DLG2: variants seen among roughly 807,000 people sequenced by gnomAD.
DLG2 encodes the protein discs large MAGUK scaffold protein 2.
A neutral mutation model predicts 132.5 loss-of-function variants in DLG2; 45 were observed. That is an observed-to-expected ratio of 0.34 (90% CI 0.27 to 0.44). The LOEUF is 0.44. Ranked by LOEUF, DLG2 falls within the 20% of genes least tolerant of loss-of-function variation. DLG2 has a pLI of 1.00. For missense variants in DLG2, 1,045 were observed against 1,196.9 expected (o/e 0.87, Z 1.87); for synonymous variants, 424 against 419.6 (o/e 1.01, Z -0.13).
At chr11:85,275,018 A>G (rs1380663061) in intron 4 of DLG2, among the ~76,000 whole-genome samples, 1 of 152,176 alleles carries the variant, frequency 6.6e-6, no homozygotes, top group African/African-American at 2.4e-5. Flanking sequence ...TCGGGAAGAT[A>G]CCCTATCCTT....
intron 17 of DLG2, among the ~76,000 whole-genome samples, chr11:83,811,580 T>G (rs966745963): frequency 1.2e-4 from 19 of 152,148 alleles, no homozygotes; most frequent in Admixed American, 9.8e-4. Flanking sequence ...TTCACGACAT[T>G]TGCTGTTTTG....
At chr11:85,067,446 AT>A (rs1169297976) in intron 6 of DLG2, among the ~76,000 whole-genome samples, 3 of 151,736 alleles carry the variant, frequency 2.0e-5, no homozygotes, top group Admixed American at 6.6e-5. Context: ...TAGGGCGTCA[AT>A]TTTAGATCTT....
chr11:83,727,002 A>G (rs1422112847), intron 18 of DLG2, among the ~76,000 whole-genome samples: 2 of 152,206 alleles, frequency 1.3e-5, no homozygotes, highest in Non-Finnish European at 2.9e-5. Context: ...CCACCATTGC[A>G]AAATGATTCT....
intron 11 of DLG2, among the ~76,000 whole-genome samples, chr11:83,989,601 T>C (rs2093587009): frequency 6.6e-6 from 1 of 152,114 alleles, no homozygotes; most frequent in African/African-American, 2.4e-5. Flanking sequence ...TTAGAACTGA[T>C]AAAAGAAAAT....
intron 17 of DLG2, among the ~76,000 whole-genome samples, chr11:83,794,867 C>T (rs2042411500): frequency 2.0e-5 from 3 of 152,158 alleles, no homozygotes; most frequent in Non-Finnish European, 2.9e-5. Context: ...TCTACGCCTA[C>T]AAGATTCTAG....
chr11:85,382,754 G>C (rs781572436), intron 3 of DLG2, among the ~76,000 whole-genome samples: 17 of 152,096 alleles, frequency 1.1e-4, no homozygotes, highest in Non-Finnish European at 1.9e-4. Context: ...AACATCATTA[G>C]TCATTAGGGA....
intron 7 of DLG2, among the ~76,000 whole-genome samples, chr11:84,529,760 C>A (rs2099330735): frequency 6.6e-6 from 1 of 152,134 alleles, no homozygotes; most frequent in Admixed American, 6.5e-5. Context: ...ATCAAACTGC[C>A]AATGACATTC....
chr11:83,907,738 T>G (rs939606333), intron 15 of DLG2, among the ~76,000 whole-genome samples: 1 of 152,118 alleles, frequency 6.6e-6, no homozygotes, highest in African/African-American at 2.4e-5. Flanking sequence ...AAAATCACAC[T>G]CAGGAAATGT....
chr11:83,485,621 A>G (rs1156666304), intron 21 of DLG2, among the ~76,000 whole-genome samples: 2 of 152,196 alleles, frequency 1.3e-5, no homozygotes, highest in Non-Finnish European at 2.9e-5. Flanking sequence ...GCTGTTAAGA[A>G]TAAATGTAGA....
chr11:83,459,621 A>G lies in DLG2; in HGVS notation c.*197T>C. 4.1e-6 allele frequency: 2 copies of G among 490,544 alleles called. No homozygotes were observed. Among genetic ancestry groups the G allele is most frequent in the Non-Finnish European group, 7.3e-6 (2 of 273,008 alleles). 30.4% of individuals were successfully genotyped at this position (490,544 alleles called of 1,614,324 possible). A position where few individuals can be genotyped will look rare whatever the true frequency, so the allele number is the denominator to read the frequency against. On this transcript the variant is annotated 3_prime_UTR_variant, in exon 28 of 28. Coordinates refer to ENST00000376104, the MANE Select transcript of DLG2 (RefSeq NM_001142699.3). ...AACCAAAGCCTTCCTTCATACTGCA[A>G]TGTCTTTTCTGTCCCACCCTTTGGC...
intron 7 of DLG2, among the ~76,000 whole-genome samples, chr11:84,293,354 C>A (rs964315609): frequency 2.0e-5 from 3 of 151,920 alleles, no homozygotes; most frequent in Non-Finnish European, 2.9e-5. Context: ...AAAAGGTCAT[C>A]ACACCCTACT....
intron 15 of DLG2, among the ~76,000 whole-genome samples, chr11:83,876,441 C>A (rs1486874229): frequency 6.6e-6 from 1 of 151,684 alleles, no homozygotes. Context: ...TTTTCTATTA[C>A]AAAAATATCA....
intron 3 of DLG2, among the ~76,000 whole-genome samples, chr11:85,528,795 CA>C (rs1402668762): frequency 6.6e-6 from 1 of 152,126 alleles, no homozygotes; most frequent in Non-Finnish European, 1.5e-5. Context: ...AAATGTTGAA[CA>C]ACAGACTTAA....
chr11:84,942,090 T>G (rs1403925380), intron 6 of DLG2, among the ~76,000 whole-genome samples: 2 of 152,170 alleles, frequency 1.3e-5, no homozygotes, highest in Admixed American at 6.5e-5. Flanking sequence ...GTGGTATCAG[T>G]TGTAATGTCT....
At chr11:83,481,023 G>A (rs780967576) in intron 22 of DLG2, among the ~76,000 whole-genome samples, 1 of 152,044 alleles carries the variant, frequency 6.6e-6, no homozygotes, top group African/African-American at 2.4e-5. Context: ...GTGAGTCACT[G>A]AATAATATTT....
chr11:85,553,085 A>C (rs569544726), intron 3 of DLG2, among the ~76,000 whole-genome samples: 4 of 150,630 alleles, frequency 2.7e-5, no homozygotes, highest in African/African-American at 9.8e-5. Flanking sequence ...AATTTCATTT[A>C]TTCACAAATA....
intron 9 of DLG2, among the ~76,000 whole-genome samples, chr11:84,146,592 C>T (rs1296783931): frequency 6.6e-6 from 1 of 152,004 alleles, no homozygotes; most frequent in Non-Finnish European, 1.5e-5. Context: ...CATGAAGAAT[C>T]TATGCAATGC....
At chr11:85,165,086 A>C (rs1189637525) in intron 4 of DLG2, among the ~76,000 whole-genome samples, 1 of 152,186 alleles carries the variant, frequency 6.6e-6, no homozygotes, top group Non-Finnish European at 1.5e-5. Flanking sequence ...AACAAATGTT[A>C]AACTATTCCA....
At chr11:85,238,653 T>C (rs1242651751) in intron 4 of DLG2, among the ~76,000 whole-genome samples, 1 of 152,136 alleles carries the variant, frequency 6.6e-6, no homozygotes. Context: ...TTTTAACTTA[T>C]GTAATGACTT....
Sources: gnomAD v4.1 joint callset for allele counts (sites outside exome capture counted in the v4.1 genomes callset) on GRCh38, gnomAD v4.1.1 for gene constraint, MANE v1.5 for transcripts, NCBI Gene and HGNC (gene_info 2026-07-23, HGNC 2026-07-21) for gene names.